Variants in EEFSEC observed in about 807,000 individuals in gnomAD.
EEFSEC encodes the protein selenocysteine-specific elongation factor.
In EEFSEC, 43 loss-of-function variants were observed where a neutral mutation model predicts 42.1. The ratio of observed to expected loss-of-function variants is 1.02; its 90% CI spans 0.80 to 1.32. The LOEUF (loss-of-function observed/expected upper bound fraction) is 1.32. EEFSEC is among the 40% of genes most tolerant of loss of function. EEFSEC has a pLI of 0.00. For missense variants in EEFSEC, 745 were observed against 803.6 expected, an observed-to-expected ratio of 0.93 and a Z score of 0.88; for synonymous variants, 354 against 339.1, an observed-to-expected ratio of 1.04 and a Z score of -0.48.
At chr3:128,385,088 G>C (rs1004627016) in intron 6 of EEFSEC, among the ~76,000 whole-genome samples, 1 of 152,204 alleles carries the variant, frequency 6.6e-6, no homozygotes, top group Non-Finnish European at 1.5e-5. Flanking sequence ...CAGAGGCATA[G>C]CTGCCAGGCA....
intron 4 of EEFSEC, among the ~76,000 whole-genome samples, chr3:128,271,331 C>T (rs1419069082): frequency 6.6e-6 from 1 of 152,200 alleles, no homozygotes; most frequent in Non-Finnish European, 1.5e-5. Context: ...CTGTGGATAT[C>T]GGCTCTCAAG....
intron 1 of EEFSEC, among the ~76,000 whole-genome samples, chr3:128,159,853 T>C (rs1049770323): frequency 1.3e-5 from 2 of 152,224 alleles, no homozygotes; most frequent in African/African-American, 4.8e-5. Flanking sequence ...TACTTTCTCA[T>C]GTCCCTGTTT....
chr3:128,182,292 A>G (rs549020499), intron 1 of EEFSEC, among the ~76,000 whole-genome samples: 12 of 151,062 alleles, frequency 7.9e-5, no homozygotes, highest in Non-Finnish European at 1.5e-5. Flanking sequence ...AAGGTGACTC[A>G]GACAGGTTAA....
chr3:128,408,073 C>G lies in EEFSEC; in HGVS notation c.1605C>G (p.Gly535=), dbSNP rs2068140135. 4 of 1,565,832 alleles carry G rather than the reference C, an allele frequency of 2.6e-6. No homozygotes were observed. Among genetic ancestry groups the G allele is most frequent in the Non-Finnish European group, 3.5e-6 (4 of 1,156,490 alleles). ...SGKFKIHIPG[G]LSPESKKILT... ...GCTCTCTTCTGTGCCTTGCAGGTGGCCTCAGCCCCGAGTCCAAGAAGATCC... is the reference window on the plus strand; with the variant it reads ...GCTCTCTTCTGTGCCTTGCAGGTGGGCTCAGCCCCGAGTCCAAGAAGATCC... The change falls in exon 7 of 7, where the codon GGC becomes GGG. Residue 535 remains glycine, a synonymous_variant. Coordinates refer to ENST00000254730, the MANE Select transcript of EEFSEC (RefSeq NM_021937.5).
At chr3:128,221,481 G>A (rs1325793301) in intron 1 of EEFSEC, among the ~76,000 whole-genome samples, 1 of 152,208 alleles carries the variant, frequency 6.6e-6, no homozygotes, top group Non-Finnish European at 1.5e-5. Flanking sequence ...TCCTGAGATT[G>A]CATGGATTCA....
At chr3:128,166,095 G>A (rs1015563635) in intron 1 of EEFSEC, among the ~76,000 whole-genome samples, 3 of 152,200 alleles carry the variant, frequency 2.0e-5, no homozygotes, top group Admixed American at 2.0e-4. Flanking sequence ...ACGCTCTAGA[G>A]AGGAAAGACT....
chr3:128,356,873 A>C (rs1350105133), intron 5 of EEFSEC, among the ~76,000 whole-genome samples: 1 of 152,248 alleles, frequency 6.6e-6, no homozygotes, highest in Admixed American at 6.5e-5. Flanking sequence ...CTGTGGTCAC[A>C]TCATCATCTC....
chr3:128,222,325 G>A (rs780429289), intron 1 of EEFSEC, among the ~76,000 whole-genome samples: 10 of 152,086 alleles, frequency 6.6e-5, no homozygotes, highest in Non-Finnish European at 1.2e-4. Context: ...GAGCCACTGC[G>A]CCCAGCTTAA....
intron 4 of EEFSEC, among the ~76,000 whole-genome samples, chr3:128,301,804 A>G (rs1416640732): frequency 1.3e-5 from 2 of 152,170 alleles, no homozygotes; most frequent in South Asian, 2.1e-4. Flanking sequence ...ACATGTCGCA[A>G]CATTTAATGA....
intron 1 of EEFSEC, among the ~76,000 whole-genome samples, chr3:128,228,667 G>A (rs975248133): frequency 5.3e-5 from 8 of 151,896 alleles, no homozygotes; most frequent in African/African-American, 1.5e-4. Context: ...CCAGGTCCGC[G>A]GCCTGAGTGG....
intron 6 of EEFSEC, among the ~76,000 whole-genome samples, chr3:128,382,178 T>C (rs1437958935): frequency 2.6e-5 from 4 of 152,210 alleles, no homozygotes; most frequent in Non-Finnish European, 5.9e-5. Context: ...TAAGCCCCTC[T>C]GGGCTGCTTG....
chr3:128,418,650 C>G, the EEFSEC span, among the ~76,000 whole-genome samples: 1 of 151,550 alleles, frequency 6.6e-6, no homozygotes, highest in Non-Finnish European at 1.5e-5. Flanking sequence ...CCAACTCTGC[C>G]CAGCACCCCC....
chr3:128,323,104 A>T (rs2067025797), intron 4 of EEFSEC, among the ~76,000 whole-genome samples: 1 of 152,226 alleles, frequency 6.6e-6, no homozygotes, highest in Middle Eastern at 3.2e-3. Context: ...TTCTGAATGC[A>T]TGACAGCTTT....
intron 1 of EEFSEC, among the ~76,000 whole-genome samples, chr3:128,159,479 C>T (rs1393224190): frequency 6.6e-6 from 1 of 152,228 alleles, no homozygotes; most frequent in African/African-American, 2.4e-5. Context: ...CATTGCTCTC[C>T]TTTTACAAGT....
chr3:128,261,302 G>A (rs575546108), intron 2 of EEFSEC, among the ~76,000 whole-genome samples: 1 of 152,194 alleles, frequency 6.6e-6, no homozygotes, highest in Non-Finnish European at 1.5e-5. Flanking sequence ...ATCATGTGTT[G>A]TAGATGCTTT....
chr3:128,424,360 G>A, the EEFSEC span, among the ~76,000 whole-genome samples: 3 of 152,062 alleles, frequency 2.0e-5, no homozygotes, highest in Non-Finnish European at 4.4e-5. Flanking sequence ...ATCTGGTTTG[G>A]GGGTGTTTTG....
At chr3:128,390,173 G>T (rs1001470633) in intron 6 of EEFSEC, among the ~76,000 whole-genome samples, 7 of 152,224 alleles carry the variant, frequency 4.6e-5, no homozygotes, top group African/African-American at 1.7e-4. Context: ...TTACATTGTT[G>T]TGACAACTCA....
At chr3:128,297,353 C>G (rs1277340092) in intron 4 of EEFSEC, among the ~76,000 whole-genome samples, 1 of 152,098 alleles carries the variant, frequency 6.6e-6, no homozygotes, top group Non-Finnish European at 1.5e-5. Flanking sequence ...TACCAGTGCC[C>G]CTTTCTTTAT....
intron 4 of EEFSEC, among the ~76,000 whole-genome samples, chr3:128,265,153 C>CTG (rs56226498): frequency 6.6e-6 from 1 of 151,818 alleles, no homozygotes; most frequent in Non-Finnish European, 1.5e-5. Context: ...CCTTTCTGGA[C>CTG]GCTGTACGTC....
Sources: allele counts gnomAD v4.1 joint callset (sites outside exome capture counted in the v4.1 genomes callset), GRCh38; gene constraint gnomAD v4.1.1; transcripts MANE v1.5; gene names NCBI Gene and HGNC (gene_info 2026-07-23, HGNC 2026-07-21).